CACNA2D3: variants seen among roughly 807,000 people sequenced by gnomAD.
The protein encoded by CACNA2D3 is voltage-dependent calcium channel subunit alpha-2/delta-3.
In CACNA2D3, 60 loss-of-function variants were observed where a neutral mutation model predicts 160.6. That is an observed-to-expected ratio of 0.37 (90% CI 0.30 to 0.46). The LOEUF (loss-of-function observed/expected upper bound fraction) is 0.46, where lower values mean the gene tolerates loss of function less well. Among genes scored for constraint, CACNA2D3 ranks in the 20% least tolerant of loss-of-function variants. CACNA2D3 has a pLI of 1.00. For missense variants in CACNA2D3, 1,205 were observed against 1,365.0 expected, an observed-to-expected ratio of 0.88 and a Z score of 1.85; for synonymous variants, 558 against 492.9, an observed-to-expected ratio of 1.13 and a Z score of -1.75.
At chr3:54,752,567 G>T in intron 11 of CACNA2D3, 32 bp from the exon 12 acceptor site, 1 of 1,550,866 alleles carries the variant, frequency 6.4e-7, no homozygotes, top group Non-Finnish European at 8.9e-7. Context: ...AAAAGTGAAT[G>T]CCGCTCAGCC....
At chr3:54,801,746 T>G (rs142315162) in intron 13 of CACNA2D3, among the ~76,000 whole-genome samples, 161 of 152,240 alleles carry the variant, frequency 1.1e-3, no homozygotes, top group African/African-American at 3.7e-3. Flanking sequence ...AGTATATGTG[T>G]TGCCAAGAAG....
At chr3:54,693,928 A>G (rs1700612730) in intron 11 of CACNA2D3, among the ~76,000 whole-genome samples, 1 of 152,224 alleles carries the variant, frequency 6.6e-6, no homozygotes, top group Non-Finnish European at 1.5e-5. Flanking sequence ...TAAAAAAATT[A>G]AAAGTTTATA....
chr3:54,936,799 G>A (rs1377547008), intron 27 of CACNA2D3, among the ~76,000 whole-genome samples: 2 of 152,186 alleles, frequency 1.3e-5, no homozygotes, highest in Non-Finnish European at 2.9e-5. Context: ...GACTATCAGA[G>A]TTTTGAGGTT....
At position 54,879,959 on chromosome 3, in the gene CACNA2D3, C is replaced by A. The variant is rs3773598; in HGVS notation, c.1844+548C>A. Among the ~76,000 whole-genome samples, 1,040 of 152,268 alleles carry A rather than the reference C, an allele frequency of 6.8e-3. 64 individuals are homozygous for A. The East Asian group carries it at 0.15, about 22-fold the overall frequency. ...ATGTGTATGTAGCATTCTAAAGTTT[C>A]CCACTACTATTAACTTAGTGTTGTA... On this transcript the variant is annotated intron_variant, in intron 20 of 37. Transcript: ENST00000474759.
intron 2 of CACNA2D3, among the ~76,000 whole-genome samples, chr3:54,191,148 A>G (rs1382979586): frequency 6.6e-6 from 1 of 152,118 alleles, no homozygotes; most frequent in African/African-American, 2.4e-5. Context: ...TATGAGGCCA[A>G]AACACATTCC....
intron 13 of CACNA2D3, among the ~76,000 whole-genome samples, chr3:54,803,900 TCAA>T (rs1703053298): frequency 6.6e-6 from 1 of 152,138 alleles, no homozygotes; most frequent in Admixed American, 6.5e-5. Context: ...GGGCCAATAT[TCAA>T]CATTCTTAAA....
intron 14 of CACNA2D3, among the ~76,000 whole-genome samples, chr3:54,836,911 C>G (rs951372962): frequency 1.3e-5 from 2 of 152,206 alleles, no homozygotes; most frequent in African/African-American, 4.8e-5. Context: ...ACCAAAGTGG[C>G]TGAAAGCAGA....
At chr3:54,509,581 A>G (rs754482126) in intron 5 of CACNA2D3, among the ~76,000 whole-genome samples, 2 of 152,134 alleles carry the variant, frequency 1.3e-5, no homozygotes, top group Non-Finnish European at 2.9e-5. Flanking sequence ...AACACTCGAG[A>G]ACCTCCTCGC....
At chr3:54,729,409 A>G (rs1701341901) in intron 11 of CACNA2D3, among the ~76,000 whole-genome samples, 1 of 152,212 alleles carries the variant, frequency 6.6e-6, no homozygotes, top group Non-Finnish European at 1.5e-5. Context: ...TTCATCTGAC[A>G]GTACATAGTC....
At chr3:54,717,920 A>G (rs1302439320) in intron 11 of CACNA2D3, among the ~76,000 whole-genome samples, 5 of 151,964 alleles carry the variant, frequency 3.3e-5, no homozygotes, top group African/African-American at 1.2e-4. Context: ...GTGTTTTAGT[A>G]TCTAAGTATC....
chr3:54,626,456 A>T (rs934426100), intron 9 of CACNA2D3: 2 of 1,599,334 alleles, frequency 1.3e-6, no homozygotes, highest in Non-Finnish European at 1.7e-6. Flanking sequence ...CACCTGCGTG[A>T]CGTGATCATC....
chr3:54,793,452 A>G (rs771422019), intron 13 of CACNA2D3, among the ~76,000 whole-genome samples: 2 of 152,226 alleles, frequency 1.3e-5, no homozygotes, highest in African/African-American at 2.4e-5. Flanking sequence ...CAATGGGGAT[A>G]TATCTGTGCG....
chr3:55,060,599 T>C (rs1449373677), intron 35 of CACNA2D3, among the ~76,000 whole-genome samples: 1 of 152,220 alleles, frequency 6.6e-6, no homozygotes, highest in East Asian at 1.9e-4. Flanking sequence ...GAAAAGGGTT[T>C]GGCATTAAGT....
chr3:54,564,975 A>C (rs1029550318), intron 6 of CACNA2D3, among the ~76,000 whole-genome samples: 2 of 152,166 alleles, frequency 1.3e-5, no homozygotes, highest in African/African-American at 4.8e-5. Flanking sequence ...GCCTTCTTCC[A>C]TTCTAACCTT....
At chr3:54,512,795 A>G (rs1201112691) in intron 5 of CACNA2D3, among the ~76,000 whole-genome samples, 1 of 152,184 alleles carries the variant, frequency 6.6e-6, no homozygotes, top group Non-Finnish European at 1.5e-5. Context: ...AGGGCTTCGT[A>G]TTAGTCTGTT....
chr3:54,828,930 A>G (rs1303872760), intron 14 of CACNA2D3, among the ~76,000 whole-genome samples: 1 of 152,248 alleles, frequency 6.6e-6, no homozygotes, highest in Non-Finnish European at 1.5e-5. Context: ...CAAGACAATC[A>G]AGTGAAAAGC....
At position 55,009,249 on chromosome 3, in the gene CACNA2D3, C is replaced by T. The variant is rs1006212347; in HGVS notation, c.2820-139C>T. On this transcript the variant is annotated intron_variant, in intron 33 of 37. Coordinates refer to ENST00000474759, the MANE Select transcript of CACNA2D3 (RefSeq NM_018398.3). ...AACCCCTGTGAAAATTTAGTAGTAA[C>T]TCAGCCAACTGTGTTGATATCTCCA... The T allele has an allele frequency of 3.2e-3, 2,279 of 717,864 alleles. 47 individuals carry two copies. The highest frequency in any genetic ancestry group is 4.1e-4 in the Non-Finnish European group (169 of 410,828). 44.5% of individuals were successfully genotyped at this position (717,864 alleles called of 1,614,324 possible). A position where few individuals can be genotyped will look rare whatever the true frequency, so the allele number is the denominator to read the frequency against.
chr3:54,463,248 C>T (rs146756752), intron 4 of CACNA2D3, among the ~76,000 whole-genome samples: 3,098 of 152,000 alleles, frequency 0.02, 78 homozygotes, highest in East Asian at 0.1. Flanking sequence ...CTGACAATTA[C>T]GTGTCTTGGA....
At chr3:55,021,111 A>G (rs1703436362) in intron 35 of CACNA2D3, among the ~76,000 whole-genome samples, 1 of 152,138 alleles carries the variant, frequency 6.6e-6, no homozygotes. Flanking sequence ...TAAAACTATT[A>G]GTGACTGGTG....
Sources: allele counts gnomAD v4.1 joint callset (sites outside exome capture counted in the v4.1 genomes callset), GRCh38; gene constraint gnomAD v4.1.1; transcripts MANE v1.5; gene names NCBI Gene and HGNC (gene_info 2026-07-23, HGNC 2026-07-21).